WARS1: variants seen among roughly 807,000 people sequenced by gnomAD.
WARS1 encodes tryptophanyl-tRNA synthetase 1.
In WARS1, 17 loss-of-function variants were observed where a neutral mutation model predicts 47.8. The observed-to-expected ratio is 0.36, with a 90% CI of 0.24 to 0.53. WARS1 has a LOEUF of 0.53. Among genes scored for constraint, WARS1 ranks in the 20% least tolerant of loss-of-function variants. WARS1 has a pLI of 0.91. For synonymous variants in WARS1, 208 were observed against 228.1 expected, an observed-to-expected ratio of 0.91 and a Z score of 0.79; for missense variants, 434 against 608.0, an observed-to-expected ratio of 0.71 and a Z score of 3.01.
At chr14:100,343,437 CTTAGT>C (rs749271639) in intron 7 of WARS1, 50 bp from the exon 8 acceptor site, 235 of 1,386,710 alleles carry the variant, frequency 1.7e-4, no homozygotes, top group Non-Finnish European at 2.2e-4. Flanking sequence ...TCCTGTTCTG[CTTAGT>C]TAATAAAGGA....
rs1372955090 is a variant in WARS1 at position 100,354,130 on chromosome 14, G to A, written c.543-261C>T. 3.9e-5 allele frequency: 20 copies of A among 513,268 alleles called. No homozygotes were observed. The East Asian group carries it at 6.7e-4, about 17-fold the overall frequency. The allele number at this position is 513,268 out of a possible 1,614,324, so 31.8% of individuals were successfully genotyped here. On this transcript the variant is annotated intron_variant, in intron 5 of 10. Transcript: ENST00000392882. The stretch of plus-strand genomic sequence containing the variant: ...AGCTTTACAGTAGTTCTATGAGGTA[G>A]GTATCTTCATTCTCATCTTGCAGAT...
intron 1 of WARS1, among the ~76,000 whole-genome samples, chr14:100,369,641 T>C (rs1887198): frequency 0.68 from 103,882 of 151,780 alleles, 36,751 homozygotes; most frequent in Admixed American, 0.81. Flanking sequence ...TTTAATGAAC[T>C]TAAGTTCATT....
At chr14:100,354,607 GA>G (rs766998001) in intron 4 of WARS1, 41 bp from the exon 5 acceptor site, 1 of 1,570,682 alleles carries the variant, frequency 6.4e-7, no homozygotes, top group South Asian at 1.2e-5. Context: ...GATTTTCTGA[GA>G]AAAATATCAA....
rs769713318 is a variant in WARS1, at chr14:100,346,815, TCAC to T, written c.754_756del (p.Val252del). 2.5e-6 allele frequency: 4 copies of T among 1,614,024 alleles called. No homozygotes were observed. Among genetic ancestry groups the T allele is most frequent in the Non-Finnish European group, 2.5e-6 (3 of 1,179,884 alleles). ...TTGAAGGTAACATGCTTTTGAATCT[TCAC>T]CACATTTTTGTAGAAACCTGAGCTC... On this transcript the variant is annotated inframe_deletion, in exon 7 of 11. Transcript: ENST00000392882.
chr14:100,368,059 G>A (rs552494192), intron 2 of WARS1, among the ~76,000 whole-genome samples: 5 of 152,332 alleles, frequency 3.3e-5, no homozygotes, highest in Non-Finnish European at 5.9e-5. Context: ...GATGGGCAGT[G>A]TAGGAAGCAA....
chr14:100,339,088 A>G (rs139205908), intron 9 of WARS1, among the ~76,000 whole-genome samples: 2,927 of 146,116 alleles, frequency 0.02, 47 homozygotes, highest in Non-Finnish European at 0.033. Context: ...CCTGGGCAAC[A>G]AGAGTGAAAC....
At position 100,337,095 on chromosome 14, in the gene WARS1, G is replaced by A. The variant is rs937116227; in HGVS notation, c.1221C>T (p.Leu407=). ...TCTGCTCGAGCTTGTCGTCGTCCTCGAGGAAGAAGGTCAGGTACATGAAAG... is the reference window on the plus strand; with the variant it reads ...TCTGCTCGAGCTTGTCGTCGTCCTCAAGGAAGAAGGTCAGGTACATGAAAG... The part of the protein sequence containing the change: ...DVSFMYLTFF[L]EDDDKLEQIR... The change falls in exon 10 of 11, where the codon CTC becomes CTT. Residue 407 remains leucine, a synonymous_variant. Coordinates refer to ENST00000392882, the MANE Select transcript of WARS1 (RefSeq NM_004184.4). 8 of 1,614,074 alleles carry A rather than the reference G, an allele frequency of 5.0e-6. No individual in the cohort carries two copies. The highest frequency in any genetic ancestry group is 1.1e-5 in the South Asian group (1 of 91,074).
At position 100,337,020 on chromosome 14, in the gene WARS1, G is replaced by A. The variant is rs754604695; in HGVS notation, c.1254+42C>T. On this transcript the variant is annotated intron_variant, in intron 10 of 10. Transcript: ENST00000392882. ...TTCCAGGCCCCATGGGCAGGAGTGG[G>A]TGGCAGAAGGCGGCTGTGGGCCCTT... The A allele has an allele frequency of 5.6e-6, 9 of 1,599,030 alleles. No individual in the cohort carries two copies. In the African/African-American group the frequency reaches 8.0e-5, roughly 14 times the overall value.
chr14:100,342,512 G>T lies in WARS1; in HGVS notation c.999C>A (p.Ala333=). 6.2e-7 allele frequency: 1 copy of T among 1,613,812 alleles called. No individual in the cohort carries two copies. Among genetic ancestry groups the T allele is most frequent in the Non-Finnish European group, 8.5e-7 (1 of 1,180,002 alleles). ...CTGGGAAGAAGGTGGAGTGCAGCAGGGCTGGTTTAGGATAGCCGATCCTGG... is the reference window on the plus strand; with the variant it reads ...CTGGGAAGAAGGTGGAGTGCAGCAGTGCTGGTTTAGGATAGCCGATCCTGG... ...VAPRIGYPKP[A]LLHSTFFPAL... The change falls in exon 9 of 11, where the codon GCC becomes GCA. Residue 333 remains alanine, a synonymous_variant. Transcript: ENST00000392882.
intron 3 of WARS1, among the ~76,000 whole-genome samples, chr14:100,361,340 A>G (rs1895649237): frequency 6.6e-6 from 1 of 152,240 alleles, no homozygotes; most frequent in Non-Finnish European, 1.5e-5. Flanking sequence ...TTCTAGGTCC[A>G]TAGTCAGTAT....
At chr14:100,336,681 C>G (rs1283255375) in intron 10 of WARS1, among the ~76,000 whole-genome samples, 1 of 152,218 alleles carries the variant, frequency 6.6e-6, no homozygotes, top group African/African-American at 2.4e-5. Context: ...AAACACTCTG[C>G]TCACTTGAGT....
At chr14:100,352,675 T>A (rs946750016) in intron 6 of WARS1, among the ~76,000 whole-genome samples, 13 of 152,102 alleles carry the variant, frequency 8.5e-5, no homozygotes, top group African/African-American at 3.1e-4. Flanking sequence ...TGGAGTAACA[T>A]GCCTTAGGGG....
chr14:100,359,503 G>A (rs1895528400), intron 4 of WARS1, among the ~76,000 whole-genome samples: 1 of 152,164 alleles, frequency 6.6e-6, no homozygotes, highest in Admixed American at 6.5e-5. Context: ...CCAGTGGGGA[G>A]GGAGAAATGG....
intron 2 of WARS1, chr14:100,365,960 G>T (rs1040017446): frequency 1.1e-5 from 5 of 453,246 alleles, no homozygotes; most frequent in Admixed American, 9.4e-5. Flanking sequence ...TTACAGGAGT[G>T]GGGGCAGGAA....
chr14:100,350,018 T>TA, intron 6 of WARS1, among the ~76,000 whole-genome samples: 1 of 152,362 alleles, frequency 6.6e-6, no homozygotes, highest in East Asian at 1.9e-4. Flanking sequence ...TTAGGTTCAA[T>TA]ATAAAATGCC....
At chr14:100,342,715 C>T in intron 8 of WARS1, 144 bp from the exon 9 acceptor site, 3 of 581,438 alleles carry the variant, frequency 5.2e-6, no homozygotes, top group South Asian at 2.8e-5. Context: ...TCATCTTTTC[C>T]TTTTTTTTTT....
intron 10 of WARS1, among the ~76,000 whole-genome samples, chr14:100,335,340 C>T (rs1232247597): frequency 6.6e-6 from 1 of 152,100 alleles, no homozygotes; most frequent in Non-Finnish European, 1.5e-5. Flanking sequence ...CACTAAACAA[C>T]AACAATTCCT....
chr14:100,371,466 A>AAAAAAAAAAAAAAAAAAAAAAAAAAC, intron 1 of WARS1, among the ~76,000 whole-genome samples: 1 of 138,174 alleles, frequency 7.2e-6, no homozygotes, highest in East Asian at 2.2e-4. Flanking sequence ...AAAAAAAAAA[A>AAAAAAAAAAAAAAAAAAAAAAAAAAC]AGTAGGCCAG....
At chr14:100,372,167 C>T (rs769249698) in intron 1 of WARS1, among the ~76,000 whole-genome samples, 7 of 152,082 alleles carry the variant, frequency 4.6e-5, no homozygotes, top group Non-Finnish European at 1.0e-4. Flanking sequence ...CCTTCCATGA[C>T]TCTCTTTTTG....
Sources: gnomAD v4.1 joint callset for allele counts (sites outside exome capture counted in the v4.1 genomes callset) on GRCh38, gnomAD v4.1.1 for gene constraint, MANE v1.5 for transcripts, NCBI Gene and HGNC (gene_info 2026-07-23, HGNC 2026-07-21) for gene names.